DNAH6: variants seen among roughly 807,000 people sequenced by gnomAD.
DNAH6 encodes dynein axonemal heavy chain 6, also known as axonemal beta dynein heavy chain 6.
A neutral mutation model predicts 491.4 loss-of-function variants in DNAH6; 340 were observed. The ratio of observed to expected loss-of-function variants is 0.69; its 90% confidence interval spans 0.63 to 0.76. The LOEUF (loss-of-function observed/expected upper bound fraction) is 0.76. Among genes scored for constraint, DNAH6 ranks in the 30% least tolerant of loss-of-function variants. The probability of loss-of-function intolerance (pLI) is 0.00; values close to 1 mark genes in which losing one functional copy is unlikely to be tolerated. For synonymous variants in DNAH6, 1,603 were observed against 1,686.1 expected (o/e 0.95, Z 1.21); for missense variants, 4,443 against 4,972.2 (o/e 0.89, Z 3.20).
chr2:84,730,181 A>T (rs549780072), intron 61 of DNAH6, among the ~76,000 whole-genome samples: 1 of 152,212 alleles, frequency 6.6e-6, no homozygotes, highest in African/African-American at 2.4e-5. Context: ...GGTGGCAACA[A>T]CAACAAAAGG....
In DNAH6 at chr2:84,677,059, A is replaced by G. The variant is rs1693304622; in HGVS notation, c.6667A>G (p.Thr2223Ala). The change falls in exon 41 of 77, where the codon ACT (threonine) becomes GCT (alanine). Residue 2223 changes from threonine (T) to alanine (A), a missense_variant. Around this residue, in one of 3 missense-constraint regions of DNAH6, gnomAD observed 2,977 missense variants for 3,296.6 expected, o/e 0.90. Transcript: ENST00000389394. ...TCCAGGCGGTGGCCGCAACCCTGTG[A>G]CTCCCCGCTTCATCAGACACTTCAG... Reference protein sequence around the residue: ...APPGGGRNPVTPRFIRHFSML... With the variant: ...APPGGGRNPVAPRFIRHFSML... The G allele has an allele frequency of 1.3e-6, 2 of 1,551,594 alleles. No individual in the cohort carries two copies. The highest frequency in any genetic ancestry group is 2.7e-5 in the African/African-American group (2 of 73,112).
At chr2:84,693,603 C>T (rs996197776) in intron 45 of DNAH6, among the ~76,000 whole-genome samples, 2 of 151,974 alleles carry the variant, frequency 1.3e-5, no homozygotes, top group African/African-American at 2.4e-5. Context: ...ATTAGCCGGG[C>T]ATGGTGGCAG....
chr2:84,798,335 G>T (rs1323861489), intron 70 of DNAH6, among the ~76,000 whole-genome samples: 4 of 152,056 alleles, frequency 2.6e-5, no homozygotes, highest in Admixed American at 6.6e-5. Context: ...GGAACCCCAG[G>T]GCACCACGTT....
rs900966597 is a variant in DNAH6 at position 84,538,146 on chromosome 2, A to C, written c.663-6087A>C. On this transcript the variant is annotated intron_variant, in intron 4 of 76. Transcript: ENST00000389394. ...TTTGGATTTTAGAACCCAAGTCCTC[A>C]TGCACGCCACTTAATATACTCATCC... 2.0e-5 allele frequency among the ~76,000 whole-genome samples: 3 copies of C among 152,064 alleles called. No individual in the cohort carries two copies. In the Middle Eastern group the frequency reaches 9.5e-3, roughly 481 times the overall value.
rs1012032717 is a variant in DNAH6, at chr2:84,605,495, C to T, written c.3082-5C>T. The T allele has an allele frequency of 1.9e-6, 3 of 1,546,298 alleles. No individual in the cohort carries two copies. In the African/African-American group the frequency reaches 4.1e-5, roughly 21 times the overall value. On this transcript the variant is annotated splice_region_variant and splice_polypyrimidine_tract_variant and intron_variant, in intron 19 of 76. Transcript: ENST00000389394. Reference sequence around the variant, plus strand: ...AGATATCCTAAGGCTTGAATTATTTCTAAGGTGGAGGACTCTTGGAAAACA... The same window carrying T: ...AGATATCCTAAGGCTTGAATTATTTTTAAGGTGGAGGACTCTTGGAAAACA...
At chr2:84,523,507 G>C (rs1388715176) in intron 2 of DNAH6, among the ~76,000 whole-genome samples, 1 of 151,716 alleles carries the variant, frequency 6.6e-6, no homozygotes, top group Non-Finnish European at 1.5e-5. Flanking sequence ...TTTGGGGTTG[G>C]TTTGCTGTCA....
intron 11 of DNAH6, among the ~76,000 whole-genome samples, chr2:84,569,242 C>A (rs1681531903): frequency 6.6e-6 from 1 of 151,756 alleles, no homozygotes; most frequent in South Asian, 2.1e-4. Flanking sequence ...AGAGTGATTT[C>A]CAGGATATAT....
In DNAH6 at chr2:84,694,309, A is replaced by G. The variant is rs1192295; in HGVS notation, c.7353A>G (p.Thr2451=). The G allele has an allele frequency of 0.062, 96,455 of 1,552,234 alleles. 4,495 individuals are homozygous for G. Among genetic ancestry groups the G allele is most frequent in the African/African-American group, 0.24 (17,318 of 73,152 alleles). The change falls in exon 46 of 77, where the codon ACA becomes ACG. Residue 2451 remains threonine (T), a synonymous_variant. Transcript: ENST00000389394. The part of the protein sequence containing the change: ...GNALLVGVGG[T]GKQSLTRLAA... ...CCCTGCTTGTTGGAGTAGGAGGCAC[A>G]GGAAAGCAGTCACTCACGAGACTTG...
intron 48 of DNAH6, among the ~76,000 whole-genome samples, 154 bp from the exon 49 acceptor site, chr2:84,700,943 A>G (rs1278910459): frequency 2.0e-5 from 3 of 152,230 alleles, no homozygotes; most frequent in African/African-American, 7.2e-5. Context: ...AGAGCCCTTC[A>G]GTTCATTAAG....
chr2:84,681,291 T>G, intron 41 of DNAH6, 66 bp from the exon 42 acceptor site: 1 of 1,309,070 alleles, frequency 7.6e-7, no homozygotes, highest in Non-Finnish European at 1.0e-6. Flanking sequence ...TCATCCGGAG[T>G]ATTTAAAAGA....
chr2:84,595,868 T>G, intron 18 of DNAH6, 79 bp downstream of exon 18: 1 of 1,351,590 alleles, frequency 7.4e-7, no homozygotes, highest in Non-Finnish European at 9.7e-7. Context: ...AAATCAGGAA[T>G]TTTTCCCTGA....
intron 63 of DNAH6, among the ~76,000 whole-genome samples, chr2:84,753,010 C>T (rs1191932697): frequency 1.3e-5 from 2 of 152,304 alleles, no homozygotes; most frequent in South Asian, 2.1e-4. Flanking sequence ...TATCATTTTA[C>T]ATTCCCACCA....
chr2:84,710,209 C>T (rs753521606), intron 55 of DNAH6, 78 bp from the exon 56 acceptor site: 22 of 1,489,450 alleles, frequency 1.5e-5, no homozygotes, highest in Non-Finnish European at 2.0e-5. Flanking sequence ...CATTTCCACA[C>T]TTTCTTCTAA....
chr2:84,510,150 G>A, the DNAH6 span, among the ~76,000 whole-genome samples: 1 of 152,282 alleles, frequency 6.6e-6, no homozygotes, highest in East Asian at 1.9e-4. Context: ...AGTTTTCCTG[G>A]ATAATATCCT....
chr2:84,816,739 A>T (rs1479324459), intron 76 of DNAH6, among the ~76,000 whole-genome samples: 1 of 152,166 alleles, frequency 6.6e-6, no homozygotes, highest in Non-Finnish European at 1.5e-5. Context: ...AAGTAAATAA[A>T]CAAATGAATA....
chr2:84,571,939 G>GA (rs1379013635), intron 11 of DNAH6, among the ~76,000 whole-genome samples: 1 of 151,514 alleles, frequency 6.6e-6, no homozygotes, highest in African/African-American at 2.4e-5. Flanking sequence ...AAAGAAAAAA[G>GA]AAAACCAAAA....
At chr2:84,705,122 G>T (rs1237960173) in intron 51 of DNAH6, among the ~76,000 whole-genome samples, 1 of 152,184 alleles carries the variant, frequency 6.6e-6, no homozygotes, top group African/African-American at 2.4e-5. Flanking sequence ...CAGTTAGAAA[G>T]CAATTGTAGT....
the DNAH6 span, among the ~76,000 whole-genome samples, chr2:84,501,149 A>G: frequency 6.6e-6 from 1 of 152,194 alleles, no homozygotes; most frequent in Non-Finnish European, 1.5e-5. Context: ...TCATTATGAC[A>G]CTAGCTATGG....
chr2:84,578,963 C>G (rs140295171), intron 13 of DNAH6, among the ~76,000 whole-genome samples: 5 of 152,178 alleles, frequency 3.3e-5, no homozygotes, highest in Admixed American at 2.6e-4. Flanking sequence ...CTTGCTTCCC[C>G]CTTCACCTTC....
Sources: gnomAD v4.1 joint callset for allele counts (sites outside exome capture counted in the v4.1 genomes callset) on GRCh38, gnomAD v4.1.1 for gene constraint, gnomAD v4.1.1 regional missense constraint, MANE v1.5 for transcripts, NCBI Gene and HGNC (gene_info 2026-07-23, HGNC 2026-07-21) for gene names.